The following CCDC85A variants were observed in gnomAD, a reference collection of about 807,000 sequenced individuals.
The protein encoded by CCDC85A is coiled-coil domain-containing protein 85A.
A neutral mutation model predicts 50.2 loss-of-function variants in CCDC85A; 38 were observed. That is an observed-to-expected ratio of 0.76 (90% CI 0.58 to 0.99). The LOEUF (loss-of-function observed/expected upper bound fraction) is 0.99. Among genes scored for constraint, CCDC85A ranks in the 50% least tolerant of loss-of-function variants. CCDC85A has a pLI of 0.00. For missense variants in CCDC85A, 820 were observed against 742.0 expected (o/e 1.11, Z -1.22); for synonymous variants, 366 against 301.4 (o/e 1.21, Z -2.22).
chr2:56,298,278 T>C (rs1370005748), intron 2 of CCDC85A, among the ~76,000 whole-genome samples: 2 of 152,118 alleles, frequency 1.3e-5, no homozygotes, highest in Non-Finnish European at 2.9e-5. Flanking sequence ...AGAAGGTAAT[T>C]ACAGAAGTGA....
chr2:56,192,803 A>C lies in CCDC85A; in HGVS notation c.603A>C (p.Ala201=), dbSNP rs1188269267. The change falls in exon 2 of 6, where the codon GCA becomes GCC. Residue 201 remains alanine (A), a synonymous_variant. Transcript: ENST00000407595. This position sits in a 1 kb window ranked among gnomAD's most constrained non-coding sequence, Gnocchi z 4.7. Reference sequence around the variant, plus strand: ...TGTGCCAACTCACAGCCTCCACCGCACCCTACGTGCGGGATGTGGGTGACG... The same window carrying C: ...TGTGCCAACTCACAGCCTCCACCGCCCCCTACGTGCGGGATGTGGGTGACG... ...ASLCQLTAST[A]PYVRDVGDGS... The C allele has an allele frequency of 6.2e-7, 1 of 1,613,150 alleles. No individual in the cohort carries two copies. Among genetic ancestry groups the C allele is most frequent in the African/African-American group, 1.3e-5 (1 of 74,964 alleles).
At chr2:56,375,358 T>C (rs572314859) in intron 4 of CCDC85A, among the ~76,000 whole-genome samples, 5 of 152,350 alleles carry the variant, frequency 3.3e-5, no homozygotes, top group African/African-American at 1.2e-4. Flanking sequence ...TGCTTTATTA[T>C]AGGTCTTTCC....
chr2:56,208,620 C>G (rs1383153049), intron 2 of CCDC85A, among the ~76,000 whole-genome samples: 2 of 152,088 alleles, frequency 1.3e-5, no homozygotes, highest in Admixed American at 1.3e-4. Flanking sequence ...CAAGAAATGT[C>G]TTAAACCCAG....
At position 56,193,087 on chromosome 2, in the gene CCDC85A, C is replaced by G; in HGVS notation, c.887C>G (p.Pro296Arg). 3 of 1,613,682 alleles carry G rather than the reference C, an allele frequency of 1.9e-6. No homozygotes were observed. Among genetic ancestry groups the G allele is most frequent in the Non-Finnish European group, 2.5e-6 (3 of 1,179,814 alleles). The change falls in exon 2 of 6, where the codon CCG (proline) becomes CGG (arginine). Residue 296 changes from proline (P) to arginine (R), a missense_variant. Pro to Arg is a moderately radical substitution (Grantham distance 103). Transcript: ENST00000407595. ...GGCAGCCCCGAACAGCAAAGGCACCCGCATCCAGGGAGCAGCCCCGAAACG... is the reference window on the plus strand; with the variant it reads ...GGCAGCCCCGAACAGCAAAGGCACCGGCATCCAGGGAGCAGCCCCGAAACG... Reference protein sequence around the residue: ...CKGSPEQQRHPHPGSSPETLP... With the variant: ...CKGSPEQQRHRHPGSSPETLP...
intron 2 of CCDC85A, among the ~76,000 whole-genome samples, chr2:56,297,434 A>G: frequency 6.6e-6 from 1 of 151,294 alleles, no homozygotes; most frequent in African/African-American, 2.4e-5. Context: ...GTGTGAAATA[A>G]CTATATATTT....
intron 3 of CCDC85A, among the ~76,000 whole-genome samples, chr2:56,368,387 G>T (rs1315919965): frequency 2.0e-5 from 3 of 152,008 alleles, no homozygotes; most frequent in East Asian, 1.9e-4. Flanking sequence ...TTATTTATTT[G>T]CTAGGACAGT....
intron 2 of CCDC85A, among the ~76,000 whole-genome samples, chr2:56,231,280 A>T (rs1032246496): frequency 6.6e-6 from 1 of 152,204 alleles, no homozygotes; most frequent in African/African-American, 2.4e-5. Context: ...AAGAAAAGCA[A>T]GTTGGTAGCA....
intron 2 of CCDC85A, among the ~76,000 whole-genome samples, chr2:56,266,958 C>G (rs1014461931): frequency 2.0e-5 from 3 of 152,044 alleles, no homozygotes; most frequent in African/African-American, 7.2e-5. Context: ...CAGACCCATT[C>G]CCTACTGAGA....
intron 5 of CCDC85A, among the ~76,000 whole-genome samples, chr2:56,377,048 T>C (rs1676369242): frequency 6.6e-6 from 1 of 152,220 alleles, no homozygotes; most frequent in South Asian, 2.1e-4. Context: ...CTCAGGATAT[T>C]TTGCTTTAGC....
intron 2 of CCDC85A, among the ~76,000 whole-genome samples, chr2:56,284,149 T>G (rs1181018343): frequency 1.3e-5 from 2 of 152,224 alleles, no homozygotes; most frequent in Non-Finnish European, 2.9e-5. Flanking sequence ...GTTTAATTTT[T>G]AAATACTTGG....
intron 2 of CCDC85A, among the ~76,000 whole-genome samples, chr2:56,217,260 C>A (rs536968838): frequency 1.8e-4 from 28 of 152,022 alleles, no homozygotes; most frequent in African/African-American, 5.5e-4. Context: ...CAGATATACA[C>A]CTCTTCGTCT....
chr2:56,316,253 C>G (rs767390862), intron 2 of CCDC85A, among the ~76,000 whole-genome samples: 26 of 152,156 alleles, frequency 1.7e-4, no homozygotes, highest in Non-Finnish European at 1.3e-4. Flanking sequence ...CCATTAATCT[C>G]TGGCAGGACA....
chr2:56,203,668 C>T lies in CCDC85A; in HGVS notation c.1240+10228C>T, dbSNP rs78541979. On this transcript the variant is annotated intron_variant, in intron 2 of 5. Transcript: ENST00000407595. ...GGCATATGTAGTTATTTTTACATTT[C>T]GAGTATCCCTGTGGACTTTCACCCA... 7.7e-3 allele frequency among the ~76,000 whole-genome samples: 1,175 copies of T among 152,138 alleles called. 38 individuals carry two copies. In the East Asian group the frequency reaches 0.12, roughly 15 times the overall value.
intron 3 of CCDC85A, among the ~76,000 whole-genome samples, chr2:56,357,529 T>C (rs551014900): frequency 2.2e-4 from 34 of 152,324 alleles, no homozygotes; most frequent in Admixed American, 7.2e-4. Flanking sequence ...ATTTTAGATG[T>C]ATCTTTTGTG....
chr2:56,276,915 C>T (rs1252413048), intron 2 of CCDC85A, among the ~76,000 whole-genome samples: 3 of 152,086 alleles, frequency 2.0e-5, no homozygotes, highest in South Asian at 2.1e-4. Flanking sequence ...CAGTGAACTT[C>T]GTTTTCAGCA....
chr2:56,208,350 A>G lies in CCDC85A; in HGVS notation c.1240+14910A>G, dbSNP rs564398683. 7.2e-4 allele frequency among the ~76,000 whole-genome samples: 110 copies of G among 152,280 alleles called. 1 individual carries two copies. Among genetic ancestry groups the G allele is most frequent in the South Asian group, 2.3e-3 (11 of 4,828 alleles). On this transcript the variant is annotated intron_variant, in intron 2 of 5. Coordinates refer to ENST00000407595, the MANE Select transcript of CCDC85A (RefSeq NM_001080433.2). ...AGTTTTATCCATACAATGAAGCACA[A>G]TCTCCCACTATTACCCCATTGCACA...
intron 2 of CCDC85A, among the ~76,000 whole-genome samples, chr2:56,271,693 A>G (rs745998690): frequency 3.3e-5 from 5 of 152,190 alleles, no homozygotes; most frequent in Non-Finnish European, 7.3e-5. Context: ...ACAACTGTCC[A>G]TGCCTGATGG....
chr2:56,374,225 G>A (rs890956301), intron 4 of CCDC85A, among the ~76,000 whole-genome samples: 7 of 152,082 alleles, frequency 4.6e-5, no homozygotes, highest in African/African-American at 1.7e-4. Context: ...CTCCTTGTTG[G>A]CCAGTGAGGC....
Position 56,321,691 on chromosome 2 carries a change from C to T in CCDC85A, c.1241-21188C>T, listed in dbSNP as rs192987795. Among the ~76,000 whole-genome samples, 213 of 152,240 alleles carry T rather than the reference C, an allele frequency of 1.4e-3. 1 individual carries two copies. Among genetic ancestry groups the T allele is most frequent in the African/African-American group, 4.8e-3 (201 of 41,542 alleles). ...TTCCATGCTCGTGGATACGAAGAAC[C>T]AATATTGTGAAAATGGCCATATGGC... On this transcript the variant is annotated intron_variant, in intron 2 of 5. Transcript: ENST00000407595.
Sources: allele counts gnomAD v4.1 joint callset (sites outside exome capture counted in the v4.1 genomes callset), GRCh38; gene constraint gnomAD v4.1.1; non-coding constraint Gnocchi (gnomAD v3.1); transcripts MANE v1.5; gene names NCBI Gene and HGNC (gene_info 2026-07-23, HGNC 2026-07-21).